CFAP300: variants seen among roughly 807,000 people sequenced by gnomAD.
The protein encoded by CFAP300 is cilia- and flagella-associated protein 300.
CFAP300 carries 32 observed loss-of-function variants against 33.0 expected under a neutral mutation model. The ratio of observed to expected loss-of-function variants is 0.97; its 90% CI spans 0.73 to 1.30. The LOEUF is 1.30. Among genes scored for constraint, CFAP300 ranks in the 50% most tolerant of loss-of-function variants. The pLI is 0.00. For missense variants in CFAP300, 356 were observed against 318.1 expected (o/e 1.12, Z -0.90); for synonymous variants, 102 against 106.8 (o/e 0.95, Z 0.28).
chr11:102,071,230 T>C (rs557499666), intron 4 of CFAP300, among the ~76,000 whole-genome samples: 1 of 152,322 alleles, frequency 6.6e-6, no homozygotes, highest in African/African-American at 2.4e-5. Context: ...TGGATGCATA[T>C]ATATTTAGAA....
At chr11:102,056,295 A>G (rs1231581051) in intron 2 of CFAP300, among the ~76,000 whole-genome samples, 1 of 152,176 alleles carries the variant, frequency 6.6e-6, no homozygotes, top group East Asian at 1.9e-4. Context: ...CCTTATACCT[A>G]AATCTTATCC....
Position 102,083,067 on chromosome 11 carries a change from T to C in CFAP300, c.676-4T>C. On this transcript the variant is annotated splice_polypyrimidine_tract_variant and splice_region_variant and intron_variant, in intron 6 of 6. Coordinates refer to ENST00000434758, the MANE Select transcript of CFAP300 (RefSeq NM_032930.3). ...TAATAATAATTTAGGTTTGTCTTTT[T>C]CAGGATTCTGCTGGTATGTGCTATC... The C allele has an allele frequency of 7.2e-7, 1 of 1,397,650 alleles. No homozygotes were observed. Among genetic ancestry groups the C allele is most frequent in the Middle Eastern group, 1.9e-4 (1 of 5,174 alleles). 86.6% of individuals were successfully genotyped at this position (1,397,650 alleles called of 1,614,324 possible). A position where few individuals can be genotyped will look rare whatever the true frequency, so the allele number is the denominator to read the frequency against.
intron 3 of CFAP300, among the ~76,000 whole-genome samples, chr11:102,062,627 A>T (rs1942164003): frequency 1.3e-5 from 2 of 152,240 alleles, no homozygotes; most frequent in Non-Finnish European, 2.9e-5. Flanking sequence ...TGTCTTGCTT[A>T]TAGTAAAGTA....
At chr11:102,064,508 C>T (rs1407610367) in intron 3 of CFAP300, among the ~76,000 whole-genome samples, 2 of 152,222 alleles carry the variant, frequency 1.3e-5, no homozygotes, top group African/African-American at 2.4e-5. Flanking sequence ...TGGCTCCAGG[C>T]ATCCTTCATG....
chr11:102,050,124 T>C (rs1261815610), intron 2 of CFAP300, among the ~76,000 whole-genome samples: 1 of 152,036 alleles, frequency 6.6e-6, no homozygotes, highest in Non-Finnish European at 1.5e-5. Context: ...AGTAAGACCC[T>C]GTCTCAAAAA....
At chr11:102,051,738 A>G (rs1305769834) in intron 2 of CFAP300, among the ~76,000 whole-genome samples, 2 of 152,184 alleles carry the variant, frequency 1.3e-5, no homozygotes, top group East Asian at 1.9e-4. Context: ...TAATAGAGAC[A>G]GGGTCTCACT....
At chr11:102,071,546 G>C (rs910093965) in intron 4 of CFAP300, among the ~76,000 whole-genome samples, 4 of 151,970 alleles carry the variant, frequency 2.6e-5, no homozygotes, top group Admixed American at 6.5e-5. Flanking sequence ...TTTGGGGTTT[G>C]GTGGTTTTCT....
At chr11:102,069,912 A>T (rs1363077802) in intron 4 of CFAP300, among the ~76,000 whole-genome samples, 1 of 152,180 alleles carries the variant, frequency 6.6e-6, no homozygotes, top group Non-Finnish European at 1.5e-5. Flanking sequence ...AGCTGCAGTG[A>T]GCCAAGATGG....
chr11:102,055,424 T>C (rs2135017079), intron 2 of CFAP300, among the ~76,000 whole-genome samples: 1 of 137,996 alleles, frequency 7.2e-6, no homozygotes, highest in South Asian at 2.3e-4. Flanking sequence ...TGGTGCGATC[T>C]CAGCTCACTG....
chr11:102,047,509 C>T lies in CFAP300; in HGVS notation c.39C>T (p.Tyr13=), dbSNP rs1245409146. The T allele has an allele frequency of 1.3e-6, 2 of 1,535,910 alleles. No individual in the cohort carries two copies. Among genetic ancestry groups the T allele is most frequent in the Non-Finnish European group, 1.7e-6 (2 of 1,146,818 alleles). ...AGCTCGGGGACTTGGGTGGCTACTA[C>T]TTCAGGTTCTTGCCTCAGAAAACCT... is the stretch of plus-strand genomic sequence containing the variant. The part of the protein sequence containing the change: ...TGELGDLGGY[Y]FRFLPQKTFQ... The change falls in exon 1 of 7, where the codon TAC becomes TAT. Residue 13 remains tyrosine (Y), a synonymous_variant. Coordinates refer to ENST00000434758, the MANE Select transcript of CFAP300 (RefSeq NM_032930.3).
At chr11:102,054,598 G>A (rs868638406) in intron 2 of CFAP300, among the ~76,000 whole-genome samples, 4 of 151,800 alleles carry the variant, frequency 2.6e-5, no homozygotes, top group East Asian at 1.9e-4. Context: ...GTGTGTTGGC[G>A]CACTTCTGTA....
chr11:102,061,334 G>A (rs1478686365), intron 3 of CFAP300, among the ~76,000 whole-genome samples: 1 of 151,546 alleles, frequency 6.6e-6, no homozygotes, highest in East Asian at 1.9e-4. Context: ...TTTCCTCTGG[G>A]GCCCTTTTAA....
chr11:102,059,876 C>T (rs1420127090), intron 3 of CFAP300, among the ~76,000 whole-genome samples: 2 of 149,544 alleles, frequency 1.3e-5, no homozygotes, highest in Admixed American at 1.3e-4. Context: ...AGTGGTGCCT[C>T]CTGGGTTCAA....
chr11:102,055,892 A>G (rs1942049608), intron 2 of CFAP300, among the ~76,000 whole-genome samples: 1 of 148,876 alleles, frequency 6.7e-6, no homozygotes, highest in East Asian at 2.0e-4. Context: ...GATGGTCTCA[A>G]TCTCCTGACC....
intron 1 of CFAP300, 28 bp from the exon 2 acceptor site, chr11:102,047,787 A>T: frequency 1.9e-6 from 3 of 1,612,140 alleles, no homozygotes; most frequent in Non-Finnish European, 2.5e-6. Context: ...CAGCCCCCAG[A>T]TGATTTCTTT....
chr11:102,082,979 G>A (rs532965580), intron 6 of CFAP300, 92 bp from the exon 7 acceptor site: 20 of 674,266 alleles, frequency 3.0e-5, no homozygotes, highest in Non-Finnish European at 3.6e-5. Context: ...CCTGGGCGAC[G>A]GAGCAAGACT....
At chr11:102,062,120 G>A (rs369048817) in intron 3 of CFAP300, among the ~76,000 whole-genome samples, 15 of 152,138 alleles carry the variant, frequency 9.9e-5, no homozygotes, top group East Asian at 7.7e-4. Context: ...AGAAGTAAAA[G>A]CACTAGAGCC....
rs1356387585 is a variant in CFAP300 at position 102,076,177 on chromosome 11, A to AC, written c.608+138dup. Reference sequence around the variant, plus strand: ...AAAGCATATAAAAAGCTCTACCCTTACCCCCCTCTCATAACCTTCCCCCTC... The same window carrying AC: ...AAAGCATATAAAAAGCTCTACCCTTACCCCCCCTCTCATAACCTTCCCCCTC... On this transcript the variant is annotated intron_variant, in intron 5 of 6. Transcript: ENST00000434758. 54 of 958,668 alleles carry AC rather than the reference A, an allele frequency of 5.6e-5. 1 individual carries two copies. The South Asian group carries it at 1.2e-3, about 21-fold the overall frequency. 59.4% of individuals were successfully genotyped at this position (958,668 alleles called of 1,614,324 possible).
At position 102,084,310 on chromosome 11, in the gene CFAP300, G is replaced by C. The variant is rs1280830721; in HGVS notation, c.*1111G>C. ...AAGAAATGTTGAGGTTTGAGGAGGA[G>C]CAAGTTTGAAAGATGTGTTTCTGTG... On this transcript the variant is annotated 3_prime_UTR_variant, in exon 7 of 7. Transcript: ENST00000434758. 6.6e-6 allele frequency: 1 copy of C among 152,210 alleles called. No homozygotes were observed. The highest frequency in any genetic ancestry group is 1.5e-5 in the Non-Finnish European group (1 of 68,042). The allele number at this position is 152,210 out of a possible 1,614,324, so 9.4% of individuals were successfully genotyped here.
Sources: allele counts gnomAD v4.1 joint callset (sites outside exome capture counted in the v4.1 genomes callset), GRCh38; gene constraint gnomAD v4.1.1; transcripts MANE v1.5; gene names NCBI Gene and HGNC (gene_info 2026-07-23, HGNC 2026-07-21).